SPOCK1: variants seen among roughly 807,000 people sequenced by gnomAD.
The protein encoded by SPOCK1 is testican-1.
SPOCK1 carries 23 observed loss-of-function variants against 55.3 expected under a neutral mutation model. That is an observed-to-expected ratio of 0.42 (90% CI 0.30 to 0.59). The LOEUF (loss-of-function observed/expected upper bound fraction) is 0.59. Ranked by LOEUF, SPOCK1 falls within the 20% of genes least tolerant of loss-of-function variation. The pLI is 0.22. For missense variants in SPOCK1, 499 were observed against 552.5 expected (o/e 0.90, Z 0.97); for synonymous variants, 226 against 221.0 (o/e 1.02, Z -0.20).
At chr5:137,448,723 T>G (rs1753182856) in intron 2 of SPOCK1, among the ~76,000 whole-genome samples, 1 of 152,240 alleles carries the variant, frequency 6.6e-6, no homozygotes, top group African/African-American at 2.4e-5. Context: ...TCATTCAGAA[T>G]TAATTCAATG....
chr5:137,467,089 A>G (rs561188709), intron 2 of SPOCK1, among the ~76,000 whole-genome samples: 60 of 152,376 alleles, frequency 3.9e-4, no homozygotes, highest in Admixed American at 3.8e-3. Flanking sequence ...TCCTTGCCAC[A>G]TGGCCTAGGC....
chr5:137,160,585 TA>T (rs765272334), intron 3 of SPOCK1, among the ~76,000 whole-genome samples: 8,285 of 64,794 alleles, frequency 0.13, 763 homozygotes, highest in East Asian at 0.27. Context: ...ATAATATATA[TA>T]ATATATAATA....
At position 137,076,955 on chromosome 5, in the gene SPOCK1, G is replaced by A. The variant is rs548757535; in HGVS notation, c.475-9126C>T. Among the ~76,000 whole-genome samples, 17 of 152,024 alleles carry A rather than the reference G, an allele frequency of 1.1e-4. No homozygotes were observed. The South Asian group carries it at 2.9e-3, about 26-fold the overall frequency. The stretch of plus-strand genomic sequence containing the variant: ...ATTTTTTTTTTTGAGACAGAGTCTC[G>A]CTCTGTTGCCCAGGCTGGAGTGCAG... On this transcript the variant is annotated intron_variant, in intron 5 of 10. Coordinates refer to ENST00000394945, the MANE Select transcript of SPOCK1 (RefSeq NM_004598.4).
At chr5:137,336,861 G>A (rs1750291683) in intron 2 of SPOCK1, among the ~76,000 whole-genome samples, 1 of 152,102 alleles carries the variant, frequency 6.6e-6, no homozygotes. Flanking sequence ...TTCAGGATTG[G>A]AGCCCAAGAG....
intron 2 of SPOCK1, among the ~76,000 whole-genome samples, chr5:137,379,359 C>A (rs1257103510): frequency 6.6e-6 from 1 of 152,140 alleles, no homozygotes; most frequent in Non-Finnish European, 1.5e-5. Flanking sequence ...ATTTTAATCT[C>A]CTTCAAACAC....
intron 5 of SPOCK1, among the ~76,000 whole-genome samples, chr5:137,071,023 T>C (rs1238816661): frequency 1.3e-5 from 2 of 148,778 alleles, no homozygotes; most frequent in Admixed American, 6.8e-5. Context: ...CAATTTCTTT[T>C]TTTTTTTTTT....
At chr5:137,190,364 C>T (rs1755156619) in intron 3 of SPOCK1, among the ~76,000 whole-genome samples, 1 of 152,162 alleles carries the variant, frequency 6.6e-6, no homozygotes, top group Non-Finnish European at 1.5e-5. Context: ...CCAATCTGAT[C>T]AGTCAGCAGC....
chr5:137,190,700 A>G (rs1044907965), intron 3 of SPOCK1, among the ~76,000 whole-genome samples: 1 of 152,034 alleles, frequency 6.6e-6, no homozygotes, highest in African/African-American at 2.4e-5. Flanking sequence ...CTCTCCTGAA[A>G]TCCTTTTCCC....
At chr5:137,369,309 C>T (rs1202996863) in intron 2 of SPOCK1, among the ~76,000 whole-genome samples, 1 of 152,194 alleles carries the variant, frequency 6.6e-6, no homozygotes, top group Non-Finnish European at 1.5e-5. Flanking sequence ...TACCTCTTTC[C>T]TTGGTTGGTT....
chr5:137,498,122 G>A (rs902189939), intron 2 of SPOCK1, among the ~76,000 whole-genome samples: 1 of 152,096 alleles, frequency 6.6e-6, no homozygotes, highest in Admixed American at 6.5e-5. Flanking sequence ...GCAGCCCTAC[G>A]AATACACACA....
chr5:137,204,056 C>T (rs953627460), intron 3 of SPOCK1, among the ~76,000 whole-genome samples: 1 of 152,182 alleles, frequency 6.6e-6, no homozygotes, highest in Non-Finnish European at 1.5e-5. Context: ...GTCCTGTACT[C>T]TGCATTTGCT....
At chr5:137,006,925 G>A (rs879490451) in intron 6 of SPOCK1, among the ~76,000 whole-genome samples, 22 of 152,026 alleles carry the variant, frequency 1.4e-4, no homozygotes, top group Non-Finnish European at 2.4e-4. Flanking sequence ...GAATTTTGCC[G>A]AAGGCCTTTT....
rs529259877 is a variant in SPOCK1, at chr5:137,010,139, C to T, written c.590-17539G>A. Among the ~76,000 whole-genome samples the T allele has an allele frequency of 7.4e-3, 1,121 of 152,238 alleles. 8 individuals are homozygous for T. The highest frequency in any genetic ancestry group is 0.013 in the Non-Finnish European group (876 of 68,004). The stretch of plus-strand genomic sequence containing the variant: ...ATCACAACCTGCTGTCTCTTTTGGA[C>T]TCTGAGGTCAGATGCAGTAAGAATT... On this transcript the variant is annotated intron_variant, in intron 6 of 10. Coordinates refer to ENST00000394945, the MANE Select transcript of SPOCK1 (RefSeq NM_004598.4).
chr5:137,109,514 A>G (rs1753428199), intron 5 of SPOCK1, among the ~76,000 whole-genome samples: 1 of 152,160 alleles, frequency 6.6e-6, no homozygotes, highest in African/African-American at 2.4e-5. Flanking sequence ...CAGCCACTAT[A>G]AACGGTCTCT....
chr5:137,112,853 A>AC (rs1470035793), intron 4 of SPOCK1, among the ~76,000 whole-genome samples: 1 of 151,522 alleles, frequency 6.6e-6, no homozygotes, highest in East Asian at 1.9e-4. Context: ...AAAAAAAAAG[A>AC]AAAAAAACGG....
At chr5:137,261,679 G>A (rs1055253887) in intron 3 of SPOCK1, among the ~76,000 whole-genome samples, 1 of 152,198 alleles carries the variant, frequency 6.6e-6, no homozygotes, top group Admixed American at 6.5e-5. Context: ...CTGGAAGAAT[G>A]ATTAGTATTC....
chr5:137,264,384 C>T (rs944351237), intron 3 of SPOCK1, among the ~76,000 whole-genome samples: 2 of 152,156 alleles, frequency 1.3e-5, no homozygotes, highest in African/African-American at 4.8e-5. Flanking sequence ...AATGTCCCCT[C>T]AACCCATTTC....
At chr5:137,176,923 A>G (rs1189264033) in intron 3 of SPOCK1, among the ~76,000 whole-genome samples, 1 of 152,140 alleles carries the variant, frequency 6.6e-6, no homozygotes, top group African/African-American at 2.4e-5. Flanking sequence ...AAGGGCAGTG[A>G]CTAGGTCTGA....
chr5:137,273,087 C>T (rs1339292375), intron 2 of SPOCK1, among the ~76,000 whole-genome samples: 1 of 152,156 alleles, frequency 6.6e-6, no homozygotes, highest in African/African-American at 2.4e-5. Context: ...ATGTCAGTTG[C>T]TCTGCTCTTT....
Sources: allele counts gnomAD v4.1 joint callset (sites outside exome capture counted in the v4.1 genomes callset), GRCh38; gene constraint gnomAD v4.1.1; transcripts MANE v1.5; gene names NCBI Gene and HGNC (gene_info 2026-07-23, HGNC 2026-07-21).